ASPHD1: variants seen among roughly 807,000 people sequenced by gnomAD.
ASPHD1 encodes the protein aspartate beta-hydroxylase domain-containing protein 1.
A neutral mutation model predicts 28.3 loss-of-function variants in ASPHD1; 20 were observed. The ratio of observed to expected loss-of-function variants is 0.71; its 90% CI spans 0.50 to 1.03. The LOEUF is 1.03. Ranked by LOEUF, ASPHD1 falls within the 50% of genes least tolerant of loss-of-function variation. The pLI, the probability that ASPHD1 is intolerant of heterozygous loss-of-function variation, is 0.00. For missense variants in ASPHD1, 479 were observed against 524.1 expected (o/e 0.91, Z 0.84); for synonymous variants, 240 against 221.2 (o/e 1.08, Z -0.75).
intron 1 of ASPHD1, among the ~76,000 whole-genome samples, chr16:29,902,781 C>T (rs2068564891): frequency 6.6e-6 from 1 of 151,938 alleles, no homozygotes; most frequent in African/African-American, 2.4e-5. Context: ...TCCCAAAGTG[C>T]TGGGATTACA....
At chr16:29,916,812 G>A (rs1395140258) in intron 3 of ASPHD1, among the ~76,000 whole-genome samples, 2 of 152,256 alleles carry the variant, frequency 1.3e-5, no homozygotes, top group Non-Finnish European at 2.9e-5. Flanking sequence ...TGAAGCTGCA[G>A]TCTGGATTTT....
At chr16:29,915,743 T>C (rs1286652645) in intron 3 of ASPHD1, among the ~76,000 whole-genome samples, 1 of 152,228 alleles carries the variant, frequency 6.6e-6, no homozygotes, top group Non-Finnish European at 1.5e-5. Context: ...TTCATTCGAC[T>C]GGAAGTCCCC....
intron 1 of ASPHD1, among the ~76,000 whole-genome samples, chr16:29,902,370 A>G (rs2068561024): frequency 5.9e-5 from 9 of 152,196 alleles, no homozygotes; most frequent in Admixed American, 1.3e-4. Context: ...TTGAGGCTGC[A>G]GTGAGCTGAG....
chr16:29,918,221 A>G (rs1249599171), intron 3 of ASPHD1, among the ~76,000 whole-genome samples: 1 of 152,236 alleles, frequency 6.6e-6, no homozygotes, highest in Non-Finnish European at 1.5e-5. Flanking sequence ...TTGATAGGTA[A>G]CTGCCTTAAT....
At chr16:29,912,190 C>G in intron 3 of ASPHD1, 1 of 661,674 alleles carries the variant, frequency 1.5e-6, no homozygotes, top group Non-Finnish European at 2.7e-6. Flanking sequence ...GCTCCGCCAG[C>G]CTCTCTGCCA....
At position 29,904,842 on chromosome 16, in the gene ASPHD1, CTT is replaced by C; in HGVS notation, c.950-9_950-8del. ...GCAGGAGTGCTGGATGCCCGCGTCT[CTT>C]CTTACAGGCCTAAAGATCCCTCCTG... On this transcript the variant is annotated splice_polypyrimidine_tract_variant and splice_region_variant and intron_variant, in intron 1 of 2. Transcript: ENST00000308748. The C allele has an allele frequency of 6.2e-7, 1 of 1,603,624 alleles. No homozygotes were observed. The highest frequency in any genetic ancestry group is 8.5e-7 in the Non-Finnish European group (1 of 1,175,102).
At chr16:29,910,181 C>T (rs1179999430), downstream of ASPHD1, among the ~76,000 whole-genome samples, 1 of 151,326 alleles carries the variant, frequency 6.6e-6, no homozygotes, top group Non-Finnish European at 1.5e-5. Context: ...GGGTGGATCA[C>T]GAGGTCAAGA....
chr16:29,914,918 G>A (rs956815044), intron 3 of ASPHD1: 4 of 151,730 alleles, frequency 2.6e-5, no homozygotes, highest in Non-Finnish European at 5.9e-5. Context: ...AAGGTGGGAG[G>A]ATTACTTGAG....
downstream of ASPHD1, chr16:29,906,560 C>T (rs954076203): frequency 9.8e-6 from 5 of 512,292 alleles, no homozygotes; most frequent in Admixed American, 2.3e-5. Context: ...TTGGCATGGA[C>T]GATGCACTAA....
intron 3 of ASPHD1, among the ~76,000 whole-genome samples, chr16:29,916,628 C>T (rs1385969440): frequency 6.6e-6 from 1 of 152,150 alleles, no homozygotes; most frequent in African/African-American, 2.4e-5. Context: ...TTTTGGGAGG[C>T]CAAGGCTGGA....
rs148088476 is a variant in ASPHD1 at position 29,912,687 on chromosome 16, G to A, written c.*62+6728G>A. ...ACTCCCGAACTCAGGTGATCAGCCC[G>A]CCTCAGCCTCCCAAAGTGCTGGGAT... On this transcript the variant is annotated intron_variant and NMD_transcript_variant, in intron 3 of 3. Transcript: ENST00000414952. Among the ~76,000 whole-genome samples, 660 of 152,304 alleles carry A rather than the reference G, an allele frequency of 4.3e-3. 3 individuals are homozygous for A. The highest frequency in any genetic ancestry group is 0.015 in the African/African-American group (644 of 41,564).
chr16:29,900,786 G>C lies in ASPHD1; in HGVS notation c.-186G>C. The C allele has an allele frequency of 1.6e-6, 1 of 626,374 alleles. No individual in the cohort carries two copies. Among genetic ancestry groups the C allele is most frequent in the Non-Finnish European group, 2.8e-6 (1 of 360,762 alleles). The allele number at this position is 626,374 out of a possible 1,614,324, so 38.8% of individuals were successfully genotyped here. A position where few individuals can be genotyped will look rare whatever the true frequency, so the allele number is the denominator to read the frequency against. On this transcript the variant is annotated 5_prime_UTR_variant, in exon 1 of 3. Coordinates refer to ENST00000308748, the MANE Select transcript of ASPHD1 (RefSeq NM_181718.4). ...GGAGCTAGGAGGAAGCGGGGAGAGAGAGCGAGCGAAAAGCGGGGGTGGGGA... is the reference window on the plus strand; with the variant it reads ...GGAGCTAGGAGGAAGCGGGGAGAGACAGCGAGCGAAAAGCGGGGGTGGGGA...
downstream of ASPHD1, among the ~76,000 whole-genome samples, chr16:29,908,704 G>A (rs531584608): frequency 1.6e-3 from 207 of 130,428 alleles, 1 homozygote; most frequent in Middle Eastern, 0.027. Flanking sequence ...TTTTTTAATC[G>A]TTGTTTGTTT....
At chr16:29,906,754 G>C, downstream of ASPHD1, 1 of 798,594 alleles carries the variant, frequency 1.3e-6, no homozygotes, top group Non-Finnish European at 2.1e-6. Flanking sequence ...ATGCAATGAA[G>C]GGACAGAGGA....
At chr16:29,906,072 T>C (rs983284661), downstream of ASPHD1, 54 of 503,738 alleles carry the variant, frequency 1.1e-4, no homozygotes, top group Non-Finnish European at 1.7e-4. Flanking sequence ...GACTACTTCC[T>C]TCGCAGGGAG....
rs148580264 is a variant in ASPHD1 at position 29,904,817 on chromosome 16, G to A, written c.950-35G>A. Reference sequence around the variant, plus strand: ...GCCAGGATGGGCCCCTGGGATGGAGGCAGGAGTGCTGGATGCCCGCGTCTC... The same window carrying A: ...GCCAGGATGGGCCCCTGGGATGGAGACAGGAGTGCTGGATGCCCGCGTCTC... On this transcript the variant is annotated intron_variant, in intron 1 of 2. Transcript: ENST00000308748. 10 of 1,466,530 alleles carry A rather than the reference G, an allele frequency of 6.8e-6. No homozygotes were observed. The East Asian group carries it at 6.9e-5, about 10-fold the overall frequency. The allele number at this position is 1,466,530 out of a possible 1,614,324, so 90.8% of individuals were successfully genotyped here.
intron 2 of ASPHD1, chr16:29,905,204 A>C (rs2068591157): frequency 2.4e-6 from 1 of 414,452 alleles, no homozygotes; most frequent in Non-Finnish European, 4.3e-6. Flanking sequence ...GGTTACCAGC[A>C]CAGGACTCTG....
chr16:29,907,258 G>C, downstream of ASPHD1: 1 of 593,890 alleles, frequency 1.7e-6, no homozygotes, highest in East Asian at 2.8e-5. Context: ...CCTTTACTCA[G>C]CAAAGTCATA....
downstream of ASPHD1, among the ~76,000 whole-genome samples, chr16:29,910,302 G>A (rs931542675): frequency 6.6e-6 from 1 of 151,960 alleles, no homozygotes; most frequent in African/African-American, 2.4e-5. Flanking sequence ...GGAGGCTGAG[G>A]CAGAAGAATC....
Sources: gnomAD v4.1 joint callset for allele counts (sites outside exome capture counted in the v4.1 genomes callset) on GRCh38, gnomAD v4.1.1 for gene constraint, MANE v1.5 for transcripts, NCBI Gene and HGNC (gene_info 2026-07-23, HGNC 2026-07-21) for gene names.